Variants in SPTSSB observed in about 807,000 individuals in gnomAD.
SPTSSB encodes the protein serine palmitoyltransferase small subunit B.
SPTSSB carries 6 observed loss-of-function variants against 7.7 expected under a neutral mutation model. The ratio of observed to expected loss-of-function variants is 0.78; its 90% CI spans 0.43 to 1.54. The LOEUF is 1.54. Among genes scored for constraint, SPTSSB ranks in the 40% most tolerant of loss-of-function variants. The probability of loss-of-function intolerance (pLI) is 0.01; values close to 1 mark genes in which losing one functional copy is unlikely to be tolerated. For synonymous variants in SPTSSB, 28 were observed against 29.7 expected (o/e 0.94, Z 0.19); for missense variants, 91 against 93.0 (o/e 0.98, Z 0.09).
intron 1 of SPTSSB, among the ~76,000 whole-genome samples, chr3:161,362,970 T>A (rs908495917): frequency 1.3e-5 from 2 of 151,944 alleles, no homozygotes; most frequent in Non-Finnish European, 2.9e-5. Context: ...TATATTTATA[T>A]CCACTAATAT....
chr3:161,361,481 TA>T (rs1715014633), intron 1 of SPTSSB, among the ~76,000 whole-genome samples: 1 of 152,166 alleles, frequency 6.6e-6, no homozygotes, highest in Non-Finnish European at 1.5e-5. Flanking sequence ...TTTGTCATAT[TA>T]AAAAAAGTGT....
chr3:161,362,198 C>T (rs938595755), intron 1 of SPTSSB, among the ~76,000 whole-genome samples: 2 of 151,902 alleles, frequency 1.3e-5, no homozygotes, highest in African/African-American at 4.8e-5. Context: ...ATAAAGTGAA[C>T]CTAAATCAAT....
At position 161,345,948 on chromosome 3, in the gene SPTSSB, A is replaced by G; in HGVS notation, c.*145T>C. The G allele has an allele frequency of 1.7e-6, 1 of 586,922 alleles. No homozygotes were observed. 36.4% of individuals were successfully genotyped at this position (586,922 alleles called of 1,614,324 possible). Reference sequence around the variant, plus strand: ...TAAAGAGACATGTATTTCAAACTCCAGGCAGAAAGGCAGAATATAAGAGTG... The same window carrying G: ...TAAAGAGACATGTATTTCAAACTCCGGGCAGAAAGGCAGAATATAAGAGTG... On this transcript the variant is annotated 3_prime_UTR_variant, in exon 3 of 3. Coordinates refer to ENST00000620149, the MANE Select transcript of SPTSSB (RefSeq NM_001040100.2).
intron 1 of SPTSSB, among the ~76,000 whole-genome samples, chr3:161,363,508 T>C (rs1351840603): frequency 1.3e-5 from 2 of 152,018 alleles, no homozygotes; most frequent in East Asian, 3.8e-4. Context: ...TTAATAGTTT[T>C]AACTACTGTT....
At chr3:161,366,643 GC>G (rs1715231040) in intron 1 of SPTSSB, among the ~76,000 whole-genome samples, 1 of 152,010 alleles carries the variant, frequency 6.6e-6, no homozygotes, top group African/African-American at 2.4e-5. Context: ...TTTCTTCAGA[GC>G]CCTTATCTAC....
intron 1 of SPTSSB, among the ~76,000 whole-genome samples, chr3:161,368,685 C>T (rs1325116631): frequency 2.6e-5 from 4 of 152,158 alleles, no homozygotes; most frequent in Admixed American, 2.6e-4. Context: ...CTCGGCCTCC[C>T]AAAGTGCTGG....
chr3:161,365,718 T>C (rs1290960394), intron 1 of SPTSSB, among the ~76,000 whole-genome samples: 1 of 152,224 alleles, frequency 6.6e-6, no homozygotes, highest in Non-Finnish European at 1.5e-5. Context: ...TTATTCTGAA[T>C]ATTCTTAAAC....
rs1032109511 is a variant in SPTSSB at position 161,346,309 on chromosome 3, A to G, written c.15T>C (p.Arg5=). 1 of 1,612,172 alleles carries G rather than the reference A, an allele frequency of 6.2e-7. No individual in the cohort carries two copies. The highest frequency in any genetic ancestry group is 8.5e-7 in the Non-Finnish European group (1 of 1,178,342). The change falls in exon 3 of 3, where the codon CGT becomes CGC. Residue 5 remains arginine, a synonymous_variant. Coordinates refer to ENST00000620149, the MANE Select transcript of SPTSSB (RefSeq NM_001040100.2). MDLR[R]VKEYFSWLYY... is the part of the protein sequence containing the mutation. ...AGAGCCAGGAGAAATATTCCTTCAC[A>G]CGCCTCAAATCCATGGTTGGCTCCT...
intron 2 of SPTSSB, among the ~76,000 whole-genome samples, chr3:161,355,323 C>G (rs748708497): frequency 3.3e-5 from 5 of 152,084 alleles, no homozygotes; most frequent in African/African-American, 4.8e-5. Context: ...TTTTTAGAAG[C>G]AAAAAGTGAA....
At chr3:161,365,892 T>C (rs866637156) in intron 1 of SPTSSB, among the ~76,000 whole-genome samples, 1 of 152,216 alleles carries the variant, frequency 6.6e-6, no homozygotes, top group Non-Finnish European at 1.5e-5. Context: ...CCAAGTGCCC[T>C]GAGTAGGAAT....
At chr3:161,350,329 T>C (rs1343187603) in intron 2 of SPTSSB, among the ~76,000 whole-genome samples, 2 of 152,130 alleles carry the variant, frequency 1.3e-5, no homozygotes, top group Non-Finnish European at 2.9e-5. Flanking sequence ...AGTTACTGGA[T>C]TTTCTCATTA....
At chr3:161,360,982 G>A (rs900275504) in intron 1 of SPTSSB, among the ~76,000 whole-genome samples, 1 of 152,076 alleles carries the variant, frequency 6.6e-6, no homozygotes, top group African/African-American at 2.4e-5. Flanking sequence ...AGAAAAAGGG[G>A]ATATGGCTTC....
chr3:161,369,298 C>CT lies in SPTSSB; in HGVS notation c.-126+2136dup, dbSNP rs1553804892. 1.5e-4 allele frequency among the ~76,000 whole-genome samples: 9 copies of CT among 60,210 alleles called. No individual in the cohort carries two copies. The South Asian group carries it at 9.4e-3, about 63-fold the overall frequency. The allele number at this position is 60,210 out of a possible 152,430, so 39.5% of individuals were successfully genotyped here. A position where few individuals can be genotyped will look rare whatever the true frequency, so the allele number is the denominator to read the frequency against. ...TCTTCTTTCTTTCTTTTCTTTCTTT[C>CT]TTTCTTTCTTTCTTTCTCTTTCTTT... On this transcript the variant is annotated intron_variant, in intron 1 of 2. Transcript: ENST00000620149.
At position 161,350,215 on chromosome 3, in the gene SPTSSB, A is replaced by G. The variant is rs143106211; in HGVS notation, c.-32-3860T>C. Among the ~76,000 whole-genome samples the G allele has an allele frequency of 2.2e-3, 333 of 152,248 alleles. 2 individuals are homozygous for G. The highest frequency in any genetic ancestry group is 3.4e-3 in the Middle Eastern group (1 of 294). ...ACTGGAAGGAAGTTAGGTAACTGCAATGAAAGAGGCGTAGCAGGTGATTTG... is the reference window on the plus strand; with the variant it reads ...ACTGGAAGGAAGTTAGGTAACTGCAGTGAAAGAGGCGTAGCAGGTGATTTG... On this transcript the variant is annotated intron_variant, in intron 2 of 2. Transcript: ENST00000620149.
Position 161,345,947 on chromosome 3 carries a change from C to T in SPTSSB, c.*146G>A, listed in dbSNP as rs559697565. ...CTAAAGAGACATGTATTTCAAACTCCAGGCAGAAAGGCAGAATATAAGAGT... is the reference window on the plus strand; with the variant it reads ...CTAAAGAGACATGTATTTCAAACTCTAGGCAGAAAGGCAGAATATAAGAGT... On this transcript the variant is annotated 3_prime_UTR_variant, in exon 3 of 3. Transcript: ENST00000620149. 4 of 585,224 alleles carry T rather than the reference C, an allele frequency of 6.8e-6. No homozygotes were observed. The highest frequency in any genetic ancestry group is 5.6e-5 in the East Asian group (2 of 35,442). 36.3% of individuals were successfully genotyped at this position (585,224 alleles called of 1,614,324 possible).
At position 161,368,522 on chromosome 3, in the gene SPTSSB, G is replaced by T. The variant is rs961199919; in HGVS notation, c.-126+2913C>A. ...GCTCACTGCAAGCTCCGCCTCCCGG[G>T]TTCACGCCATTCTCCTGCCTCAGCC... On this transcript the variant is annotated intron_variant, in intron 1 of 2. Transcript: ENST00000620149. Among the ~76,000 whole-genome samples, 40 of 150,794 alleles carry T rather than the reference G, an allele frequency of 2.7e-4. No homozygotes were observed. In the South Asian group the frequency reaches 3.6e-3, roughly 13 times the overall value.
At chr3:161,347,296 TG>T (rs1714292881) in intron 2 of SPTSSB, among the ~76,000 whole-genome samples, 1 of 152,154 alleles carries the variant, frequency 6.6e-6, no homozygotes, top group Non-Finnish European at 1.5e-5. Context: ...CTCACTCTGC[TG>T]CTTAGGCTAG....
Position 161,346,196 on chromosome 3 carries a change from G to A in SPTSSB, c.128C>T (p.Ala43Val). 6.2e-7 allele frequency: 1 copy of A among 1,609,622 alleles called. No individual in the cohort carries two copies. The highest frequency in any genetic ancestry group is 2.2e-5 in the East Asian group (1 of 44,850). The change falls in exon 3 of 3, where the codon GCT becomes GTT. Residue 43 changes from alanine to valine, a missense_variant. Coordinates refer to ENST00000620149, the MANE Select transcript of SPTSSB (RefSeq NM_001040100.2). ...MFNTILLTII[A>V]MVVYTAYVFI... ...GACATAGGCAGTGTATACCACCATA[G>A]CAATAATGGTTAGTAAGATGGTGTT...
chr3:161,363,378 G>T (rs1009380787), intron 1 of SPTSSB, among the ~76,000 whole-genome samples: 5 of 151,840 alleles, frequency 3.3e-5, no homozygotes, highest in African/African-American at 1.2e-4. Context: ...CAATATTAGT[G>T]AAGGTAGATC....
Sources: allele counts gnomAD v4.1 joint callset (sites outside exome capture counted in the v4.1 genomes callset), GRCh38; gene constraint gnomAD v4.1.1; transcripts MANE v1.5; gene names NCBI Gene and HGNC (gene_info 2026-07-23, HGNC 2026-07-21).